Variants in MMP26 observed in about 807,000 individuals in gnomAD.
The protein encoded by MMP26 is matrix metalloproteinase-26.
Under a neutral mutation model 31.0 loss-of-function variants are expected in MMP26, and 33 were observed. That is an observed-to-expected ratio of 1.06 (90% confidence interval 0.81 to 1.42). MMP26 has a LOEUF of 1.42. Ranked by LOEUF, MMP26 falls within the 40% of genes most tolerant of loss-of-function variation. The probability of loss-of-function intolerance (pLI) is 0.00; values close to 1 mark genes in which losing one functional copy is unlikely to be tolerated. For missense variants in MMP26, 347 were observed against 316.1 expected (o/e 1.10, Z -0.74); for synonymous variants, 122 against 114.9 (o/e 1.06, Z -0.40).
chr11:4,969,532 G>A (rs577676944), intron 2 of MMP26, among the ~76,000 whole-genome samples: 1 of 151,988 alleles, frequency 6.6e-6, no homozygotes, highest in South Asian at 2.1e-4. Flanking sequence ...TATATGACAG[G>A]CATGTTAGGT....
chr11:4,800,042 G>T (rs1359980159), intron 2 of MMP26, among the ~76,000 whole-genome samples: 4 of 152,180 alleles, frequency 2.6e-5, no homozygotes, highest in African/African-American at 9.7e-5. Flanking sequence ...GGCTCAGGAT[G>T]CAAGCTACTG....
At chr11:4,780,123 A>G (rs1029003329) in intron 2 of MMP26, among the ~76,000 whole-genome samples, 1 of 152,014 alleles carries the variant, frequency 6.6e-6, no homozygotes, top group Non-Finnish European at 1.5e-5. Flanking sequence ...TTATTTTTCA[A>G]TTTTGAATTA....
chr11:4,849,355 C>G, intron 2 of MMP26: 1 of 745,306 alleles, frequency 1.3e-6, no homozygotes, highest in South Asian at 1.8e-5. Context: ...TACACATATA[C>G]ACATTTCCTC....
At chr11:4,945,105 A>T (rs1846273724) in intron 2 of MMP26, 1 of 152,158 alleles carries the variant, frequency 6.6e-6, no homozygotes, top group Admixed American at 6.5e-5. Context: ...AATATTAAGT[A>T]TAATAAAGAA....
chr11:4,712,566 A>G (rs1176259145), intron 1 of MMP26: 1 of 152,200 alleles, frequency 6.6e-6, no homozygotes, highest in East Asian at 1.9e-4. Flanking sequence ...AAAAGTTTTC[A>G]AAAATAATTT....
At chr11:4,730,017 A>G (rs1437541273) in intron 1 of MMP26, among the ~76,000 whole-genome samples, 1 of 140,416 alleles carries the variant, frequency 7.1e-6, no homozygotes, top group Non-Finnish European at 1.6e-5. Context: ...TCATGAGACA[A>G]TGTTTTACAT....
At chr11:4,727,484 G>GCCA in intron 1 of MMP26, among the ~76,000 whole-genome samples, 1 of 152,048 alleles carries the variant, frequency 6.6e-6, no homozygotes, top group Admixed American at 6.6e-5. Context: ...AAAATGTTTG[G>GCCA]TTTAGTACAA....
At chr11:4,881,782 GA>G in intron 2 of MMP26, 1 of 953,582 alleles carries the variant, frequency 1.0e-6, no homozygotes, top group Non-Finnish European at 1.6e-6. Flanking sequence ...TAAAACAGAA[GA>G]AAAATAACTA....
intron 2 of MMP26, among the ~76,000 whole-genome samples, chr11:4,851,790 A>T (rs965412462): frequency 3.9e-5 from 6 of 152,126 alleles, no homozygotes; most frequent in African/African-American, 1.4e-4. Flanking sequence ...AATTTATAGA[A>T]CAATCACTAA....
intron 1 of MMP26, among the ~76,000 whole-genome samples, chr11:4,745,538 C>T (rs748734348): frequency 1.3e-5 from 2 of 152,208 alleles, no homozygotes; most frequent in Non-Finnish European, 2.9e-5. Flanking sequence ...CATCCTACCC[C>T]TCCATAATAT....
At chr11:4,914,030 T>C (rs1027645182) in intron 2 of MMP26, 1 of 152,212 alleles carries the variant, frequency 6.6e-6, no homozygotes, top group African/African-American at 2.4e-5. Flanking sequence ...CTTAAAAATA[T>C]TTATTTTGTT....
intron 2 of MMP26, chr11:4,821,505 G>T: frequency 6.2e-7 from 1 of 1,612,124 alleles, no homozygotes; most frequent in Non-Finnish European, 8.5e-7. Flanking sequence ...CCCAGTACTG[G>T]ATCTCCATCC....
intron 2 of MMP26, among the ~76,000 whole-genome samples, chr11:4,880,947 C>G (rs1373567545): frequency 6.6e-6 from 1 of 152,072 alleles, no homozygotes; most frequent in Non-Finnish European, 1.5e-5. Flanking sequence ...TTGGGTCACT[C>G]TGTTATTGAG....
chr11:4,982,723 A>C (rs1423963719), intron 2 of MMP26, among the ~76,000 whole-genome samples: 8 of 152,344 alleles, frequency 5.3e-5, no homozygotes, highest in Non-Finnish European at 1.2e-4. Flanking sequence ...TAAAATATTT[A>C]CATGACTTTT....
chr11:4,846,894 A>G (rs1849877950), intron 2 of MMP26, among the ~76,000 whole-genome samples: 1 of 152,182 alleles, frequency 6.6e-6, no homozygotes, highest in African/African-American at 2.4e-5. Flanking sequence ...TTACAACTAC[A>G]GCATTTGTTA....
intron 2 of MMP26, among the ~76,000 whole-genome samples, chr11:4,864,326 G>A (rs1054024276): frequency 2.0e-5 from 3 of 152,108 alleles, no homozygotes; most frequent in African/African-American, 7.2e-5. Context: ...CTGGTTACTC[G>A]AGCCTGTGCC....
At chr11:4,930,824 A>T (rs1429424202) in intron 2 of MMP26, among the ~76,000 whole-genome samples, 1 of 151,900 alleles carries the variant, frequency 6.6e-6, no homozygotes, top group African/African-American at 2.4e-5. Context: ...ATATACTAAA[A>T]CCATTTCTCA....
chr11:4,815,796 T>C (rs1373920430), intron 2 of MMP26, among the ~76,000 whole-genome samples: 1 of 152,070 alleles, frequency 6.6e-6, no homozygotes, highest in Non-Finnish European at 1.5e-5. Context: ...ATGCAGAACA[T>C]ATTAGAACGT....
chr11:4,925,964 C>T (rs899614528), intron 2 of MMP26, among the ~76,000 whole-genome samples: 9 of 152,008 alleles, frequency 5.9e-5, no homozygotes, highest in African/African-American at 9.7e-5. Flanking sequence ...TGCCATTTCC[C>T]TCTGAGAGAA....
Sources: gnomAD v4.1 joint callset for allele counts (sites outside exome capture counted in the v4.1 genomes callset) on GRCh38, gnomAD v4.1.1 for gene constraint, MANE v1.5 for transcripts, NCBI Gene and HGNC (gene_info 2026-07-23, HGNC 2026-07-21) for gene names.